ARHGAP25: variants seen among roughly 807,000 people sequenced by gnomAD.
ARHGAP25 encodes rho GTPase-activating protein 25.
A neutral mutation model predicts 71.0 loss-of-function variants in ARHGAP25; 34 were observed. That is an observed-to-expected ratio of 0.48 (90% CI 0.36 to 0.64). The LOEUF is 0.64. ARHGAP25 is among the 30% of genes least tolerant of loss of function. ARHGAP25 has a pLI of 0.00. For missense variants in ARHGAP25, 706 were observed against 805.1 expected, an observed-to-expected ratio of 0.88 and a Z score of 1.49; for synonymous variants, 282 against 296.5, an observed-to-expected ratio of 0.95 and a Z score of 0.50.
chr2:68,752,944 C>A (rs762296512), intron 1 of ARHGAP25, among the ~76,000 whole-genome samples: 12 of 152,044 alleles, frequency 7.9e-5, no homozygotes, highest in Non-Finnish European at 1.6e-4. Flanking sequence ...CCAGATAATT[C>A]TTTATTGTTG....
intron 7 of ARHGAP25, chr2:68,816,926 A>G (rs1000019210): frequency 1.3e-5 from 2 of 152,832 alleles, no homozygotes; most frequent in East Asian, 1.9e-4. Flanking sequence ...CCAGGAAGAT[A>G]TAGCAAACAG....
chr2:68,732,958 G>A (rs959477370), upstream of ARHGAP25, among the ~76,000 whole-genome samples: 5 of 152,232 alleles, frequency 3.3e-5, no homozygotes, highest in Non-Finnish European at 7.3e-5. Flanking sequence ...GTGATTTGGA[G>A]TTCAGGGGGT....
At position 68,734,907 on chromosome 2, in the gene ARHGAP25, T is replaced by A; in HGVS notation, c.-293T>A. ...CAGAGGGAAGTGTCAACTGGGATAT[T>A]TCTGGTAAAACTGAAAGCAAGAAAA... On this transcript the variant is annotated 5_prime_UTR_variant, in exon 1 of 11. Transcript: ENST00000409202. The A allele has an allele frequency of 2.2e-6, 1 of 451,642 alleles. No homozygotes were observed. Among genetic ancestry groups the A allele is most frequent in the South Asian group, 3.4e-5 (1 of 29,354 alleles). The allele number at this position is 451,642 out of a possible 1,614,324, so 28.0% of individuals were successfully genotyped here.
rs748850906 is a variant in ARHGAP25 at position 68,826,391 on chromosome 2, C to T, written c.*197C>T. 14 of 693,944 alleles carry T rather than the reference C, an allele frequency of 2.0e-5. No individual in the cohort carries two copies. The highest frequency in any genetic ancestry group is 2.9e-5 in the Non-Finnish European group (11 of 383,148). The allele number at this position is 693,944 out of a possible 1,614,324, so 43.0% of individuals were successfully genotyped here. A position where few individuals can be genotyped will look rare whatever the true frequency, so the allele number is the denominator to read the frequency against. The stretch of plus-strand genomic sequence containing the variant: ...TGAGCAGAGATGTGTGTGGACATCT[C>T]TGACCATCCATCGCTGTATTCAAAT... On this transcript the variant is annotated 3_prime_UTR_variant, in exon 11 of 11. Transcript: ENST00000409202.
Position 68,826,168 on chromosome 2 carries a change from A to C in ARHGAP25, c.1915A>C (p.Met639Leu). ...AGAAGTCAAGGAATTTGTCAAATCC[A>C]TGAAGGAACCCAAGACCGAGGCTTA... is the stretch of plus-strand genomic sequence containing the variant. ...EEEVKEFVKS[M>L]KEPKTEA The change falls in exon 11 of 11, where the codon ATG (methionine) becomes CTG (leucine). Residue 639 changes from methionine (M) to leucine (L), a missense_variant. Transcript: ENST00000409202. The C allele has an allele frequency of 6.2e-7, 1 of 1,614,220 alleles. No individual in the cohort carries two copies.
chr2:68,774,111 G>C (rs1347568263), intron 1 of ARHGAP25, among the ~76,000 whole-genome samples: 1 of 152,162 alleles, frequency 6.6e-6, no homozygotes, highest in Non-Finnish European at 1.5e-5. Flanking sequence ...TGAAAAAGGG[G>C]GTTGGAAGAT....
chr2:68,736,235 T>C (rs1333361095), intron 1 of ARHGAP25, among the ~76,000 whole-genome samples: 1 of 152,162 alleles, frequency 6.6e-6, no homozygotes, highest in Non-Finnish European at 1.5e-5. Flanking sequence ...ATTAATGATG[T>C]AGGTCTGAGA....
At chr2:68,768,991 A>AATGG (rs1430691834) in intron 1 of ARHGAP25, among the ~76,000 whole-genome samples, 1 of 152,210 alleles carries the variant, frequency 6.6e-6, no homozygotes, top group Non-Finnish European at 1.5e-5. Flanking sequence ...TGAATGAATG[A>AATGG]ATGGGGAAGG....
intron 6 of ARHGAP25, among the ~76,000 whole-genome samples, chr2:68,815,755 ACATCCACGGC>A (rs1317169520): frequency 1.3e-5 from 2 of 151,908 alleles, no homozygotes; most frequent in Non-Finnish European, 2.9e-5. Flanking sequence ...ACCTTGCCTG[ACATCCACGGC>A]CATCCATTGC....
At chr2:68,787,374 C>G (rs1385016798) in intron 3 of ARHGAP25, among the ~76,000 whole-genome samples, 1 of 152,184 alleles carries the variant, frequency 6.6e-6, no homozygotes, top group East Asian at 1.9e-4. Context: ...GAAAAAAGCA[C>G]ACATCTATTC....
intron 2 of ARHGAP25, among the ~76,000 whole-genome samples, chr2:68,724,990 C>T (rs1248919289): frequency 1.3e-5 from 2 of 152,206 alleles, no homozygotes; most frequent in African/African-American, 4.8e-5. Context: ...TTTAGAAAAA[C>T]ATCACCCCCA....
At chr2:68,750,138 C>A (rs1676068893) in intron 1 of ARHGAP25, among the ~76,000 whole-genome samples, 1 of 151,538 alleles carries the variant, frequency 6.6e-6, no homozygotes, top group East Asian at 1.9e-4. Flanking sequence ...TCCCAAGTAG[C>A]TGGGACCACA....
intron 1 of ARHGAP25, among the ~76,000 whole-genome samples, chr2:68,758,706 C>G (rs1413976757): frequency 6.6e-6 from 1 of 151,754 alleles, no homozygotes; most frequent in Non-Finnish European, 1.5e-5. Flanking sequence ...AACAACCAGA[C>G]AGAAGATAAG....
At chr2:68,731,602 T>G (rs980961818), upstream of ARHGAP25, among the ~76,000 whole-genome samples, 1 of 152,126 alleles carries the variant, frequency 6.6e-6, no homozygotes, top group African/African-American at 2.4e-5. Context: ...TCCAGCTTCG[T>G]TTCTCCTCAG....
chr2:68,811,626 G>A (rs939368275), intron 5 of ARHGAP25, among the ~76,000 whole-genome samples: 3 of 139,284 alleles, frequency 2.2e-5, no homozygotes, highest in Non-Finnish European at 1.5e-5. Context: ...TATTGAGGTA[G>A]AGTTCACAGG....
At chr2:68,809,303 C>A (rs1558654325) in intron 5 of ARHGAP25, among the ~76,000 whole-genome samples, 1 of 151,970 alleles carries the variant, frequency 6.6e-6, no homozygotes, top group African/African-American at 2.4e-5. Context: ...CATAGAATGC[C>A]GGATGCATAG....
At position 68,758,837 on chromosome 2, in the gene ARHGAP25, A is replaced by G. The variant is rs190035574; in HGVS notation, c.62-16384A>G. Reference sequence around the variant, plus strand: ...CAAGTGCACATGGATATTTTCTAGGATAGACCATATATTAGGACACAATTT... The same window carrying G: ...CAAGTGCACATGGATATTTTCTAGGGTAGACCATATATTAGGACACAATTT... On this transcript the variant is annotated intron_variant, in intron 1 of 10. Transcript: ENST00000409202. 2.9e-4 allele frequency among the ~76,000 whole-genome samples: 44 copies of G among 152,112 alleles called. 1 individual carries two copies. Among genetic ancestry groups the G allele is most frequent in the African/African-American group, 9.9e-4 (41 of 41,586 alleles).
Position 68,813,404 on chromosome 2 carries a change from T to G in ARHGAP25, c.792T>G (p.Asn264Lys). Residue 264 changes from asparagine to lysine, a missense_variant, in exon 6 of 11, where the codon AAT becomes AAG. By Grantham distance (94) the Asn-to-Lys change is moderately conservative (BLOSUM62 0). Transcript: ENST00000409202. ...EGFLLCGQLT[N>K]ADEAKAQQEL... ...TCCTGCTCTGTGGGCAGCTCACGAATGCGGATGAGGCAAAGGTTTGCATCT... is the reference window on the plus strand; with the variant it reads ...TCCTGCTCTGTGGGCAGCTCACGAAGGCGGATGAGGCAAAGGTTTGCATCT... 6.2e-7 allele frequency: 1 copy of G among 1,613,004 alleles called. No homozygotes were observed.
At chr2:68,745,258 T>G (rs1675748122) in intron 1 of ARHGAP25, among the ~76,000 whole-genome samples, 1 of 152,154 alleles carries the variant, frequency 6.6e-6, no homozygotes, top group Non-Finnish European at 1.5e-5. Context: ...CTCATAGTCA[T>G]AAATAAACCA....
Sources: gnomAD v4.1 joint callset for allele counts (sites outside exome capture counted in the v4.1 genomes callset) on GRCh38, gnomAD v4.1.1 for gene constraint, MANE v1.5 for transcripts, NCBI Gene and HGNC (gene_info 2026-07-23, HGNC 2026-07-21) for gene names.